SAP130: variants seen among roughly 807,000 people sequenced by gnomAD.
SAP130 encodes histone deacetylase complex subunit SAP130.
In SAP130, 16 loss-of-function variants were observed where a neutral mutation model predicts 103.2. That is an observed-to-expected ratio of 0.16 (90% confidence interval 0.10 to 0.24). SAP130 has a LOEUF of 0.24. SAP130 is among the 10% of genes least tolerant of loss of function. The pLI is 1.00. For missense variants in SAP130, 990 were observed against 1,359.7 expected (o/e 0.73, Z 4.28); for synonymous variants, 477 against 497.0 (o/e 0.96, Z 0.53).
At chr2:127,970,123 G>A (rs1033335203) in intron 15 of SAP130, among the ~76,000 whole-genome samples, 2 of 151,050 alleles carry the variant, frequency 1.3e-5, no homozygotes, top group Admixed American at 6.6e-5. Context: ...AGCTACTTGG[G>A]AGGCTGAGGC....
In SAP130 at chr2:127,941,232, TCTTTGAGTC is replaced by T. The variant is rs1207152740; in HGVS notation, c.*765_*773del. The T allele has an allele frequency of 6.6e-6, 1 of 152,128 alleles. No homozygotes were observed. The highest frequency in any genetic ancestry group is 1.5e-5 in the Non-Finnish European group (1 of 68,032). The allele number at this position is 152,128 out of a possible 1,614,324, so 9.4% of individuals were successfully genotyped here. On this transcript the variant is annotated 3_prime_UTR_variant, in exon 21 of 21. Transcript: ENST00000643581. ...TGCAAACTGCGCAAGTACAAAAACC[TCTTTGAGTC>T]CTTTATTAACGTCTGGAGATGTGTG...
chr2:128,022,615 C>T (rs753735176), intron 2 of SAP130, among the ~76,000 whole-genome samples: 1 of 152,180 alleles, frequency 6.6e-6, no homozygotes, highest in African/African-American at 2.4e-5. Flanking sequence ...ACCATTCCAA[C>T]ACTTGGTATT....
chr2:127,972,643 A>G (rs568959899), intron 15 of SAP130, among the ~76,000 whole-genome samples: 1 of 152,278 alleles, frequency 6.6e-6, no homozygotes, highest in East Asian at 1.9e-4. Flanking sequence ...CTTTAATCCC[A>G]GTTACTTGGG....
chr2:127,956,627 C>T (rs1403550861), intron 15 of SAP130, among the ~76,000 whole-genome samples: 4 of 147,406 alleles, frequency 2.7e-5, no homozygotes, highest in Admixed American at 6.9e-5. Flanking sequence ...GGGTGCAGCA[C>T]ACCGACATGG....
At chr2:128,021,851 A>G (rs978866800) in intron 2 of SAP130, among the ~76,000 whole-genome samples, 44 of 152,208 alleles carry the variant, frequency 2.9e-4, no homozygotes, top group African/African-American at 9.9e-4. Context: ...TAGCATTTCC[A>G]TGATGACTAG....
chr2:128,027,460 C>T (rs1312837964), intron 1 of SAP130: 2 of 1,085,564 alleles, frequency 1.8e-6, no homozygotes, highest in African/African-American at 1.7e-5. Flanking sequence ...GCAGCCCAAA[C>T]CCCTCGAGGC....
chr2:127,998,914 G>A (rs895417232), intron 10 of SAP130, among the ~76,000 whole-genome samples: 1 of 152,260 alleles, frequency 6.6e-6, no homozygotes, highest in Admixed American at 6.5e-5. Context: ...GAGAGCTGAT[G>A]ACGCAGGCAG....
chr2:127,990,682 G>A (rs11680182), intron 12 of SAP130, among the ~76,000 whole-genome samples: 1 of 151,954 alleles, frequency 6.6e-6, no homozygotes, highest in Non-Finnish European at 1.5e-5. Flanking sequence ...GATTTGTACC[G>A]ATGATCCCAA....
At position 127,986,774 on chromosome 2, in the gene SAP130, G is replaced by C. The variant is rs772996183; in HGVS notation, c.1958+11C>G. The C allele has an allele frequency of 6.2e-7, 1 of 1,612,332 alleles. No homozygotes were observed. Among genetic ancestry groups the C allele is most frequent in the Non-Finnish European group, 8.5e-7 (1 of 1,178,828 alleles). ...CCAGAGGTGTCATTCGGCACTACCA[G>C]GTCTACTCACCCATCTGTGGCAGGT... is the stretch of plus-strand genomic sequence containing the variant. On this transcript the variant is annotated intron_variant, in intron 14 of 20. Coordinates refer to ENST00000643581, the MANE Select transcript of SAP130 (RefSeq NM_001330301.2). The surrounding 1 kb of genome is among the most constrained non-coding windows in gnomAD (Gnocchi z 4.7).
chr2:128,014,962 C>T (rs747899992), intron 4 of SAP130, 48 bp from the exon 5 acceptor site: 1 of 1,518,928 alleles, frequency 6.6e-7, no homozygotes, highest in South Asian at 1.1e-5. Context: ...TGCTCTTAGC[C>T]ATTGCCTCTA....
intron 15 of SAP130, among the ~76,000 whole-genome samples, chr2:127,964,535 A>G (rs1009806010): frequency 6.6e-6 from 1 of 151,442 alleles, no homozygotes; most frequent in Non-Finnish European, 1.5e-5. Context: ...TAAAAAAGCC[A>G]CAATGAAAGC....
rs906028199 is a variant in SAP130, at chr2:127,996,170, A to T, written c.1355+180T>A. 2.0e-5 allele frequency among the ~76,000 whole-genome samples: 3 copies of T among 152,038 alleles called. No homozygotes were observed. The highest frequency in any genetic ancestry group is 2.0e-4 in the Admixed American group (3 of 15,252). ...CTAGGAAAACATCCATCAAAAGGAG[A>T]CTGGCTTGAAAAAAATCGCACATAA... On this transcript the variant is annotated intron_variant, in intron 11 of 20. Transcript: ENST00000643581. The surrounding 1 kb of genome is among the most constrained non-coding windows in gnomAD (Gnocchi z 4.3).
In SAP130 at chr2:128,000,064, G is replaced by A. The variant is rs757447875; in HGVS notation, c.1100C>T (p.Thr367Ile). 13 of 1,614,006 alleles carry A rather than the reference G, an allele frequency of 8.1e-6. No individual in the cohort carries two copies. Among genetic ancestry groups the A allele is most frequent in the Non-Finnish European group, 2.5e-6 (3 of 1,179,888 alleles). The change falls in exon 9 of 21, where the codon ACC (threonine) becomes ATC (isoleucine). Residue 367 changes from threonine to isoleucine, a missense_variant. Thr to Ile is a moderately conservative substitution (Grantham distance 89, BLOSUM62 -1). Coordinates refer to ENST00000643581, the MANE Select transcript of SAP130 (RefSeq NM_001330301.2). ...GAGGGTCGTGGACTTACCAGCTGTG[G>A]TCGCTGAAGGAATGGTGTTGGTTGC... ...ILATNTIPSA[T>I]TAGSVSHTQA...
intron 7 of SAP130, among the ~76,000 whole-genome samples, chr2:128,008,192 C>T (rs1390332742): frequency 1.3e-5 from 2 of 152,152 alleles, no homozygotes; most frequent in Non-Finnish European, 2.9e-5. Context: ...GCTCCCTTCC[C>T]TCAACATAAC....
Position 127,941,584 on chromosome 2 carries a change from G to C in SAP130, c.*422C>G, listed in dbSNP as rs1020073896. The C allele has an allele frequency of 1.9e-5, 3 of 161,662 alleles. No individual in the cohort carries two copies. The highest frequency in any genetic ancestry group is 7.2e-5 in the African/African-American group (3 of 41,586). 10.0% of individuals were successfully genotyped at this position (161,662 alleles called of 1,614,324 possible). A position where few individuals can be genotyped will look rare whatever the true frequency, so the allele number is the denominator to read the frequency against. The stretch of plus-strand genomic sequence containing the variant: ...AGAACCGAATGGGGTGGGTGGAAGA[G>C]GTTTTATTTTCAGTGTAGAGAGATA... On this transcript the variant is annotated 3_prime_UTR_variant, in exon 21 of 21. Transcript: ENST00000643581.
At chr2:128,009,829 G>T (rs532995074) in intron 7 of SAP130, among the ~76,000 whole-genome samples, 1 of 152,202 alleles carries the variant, frequency 6.6e-6, no homozygotes, top group South Asian at 2.1e-4. Flanking sequence ...GAGCCTTTGC[G>T]CTCACTGTTC....
chr2:128,019,108 G>GA (rs199638415), intron 2 of SAP130, among the ~76,000 whole-genome samples: 62 of 143,168 alleles, frequency 4.3e-4, no homozygotes, highest in African/African-American at 1.3e-3. Flanking sequence ...TCAAAAAAAA[G>GA]AAAAAAAAAA....
At chr2:128,021,112 A>T (rs1332737156) in intron 2 of SAP130, among the ~76,000 whole-genome samples, 1 of 152,094 alleles carries the variant, frequency 6.6e-6, no homozygotes, top group Admixed American at 6.6e-5. Context: ...TTGTCCAATG[A>T]TCTCTTCAGG....
At chr2:128,010,850 G>A (rs1684339380) in intron 6 of SAP130, among the ~76,000 whole-genome samples, 2 of 135,194 alleles carry the variant, frequency 1.5e-5, no homozygotes, top group Non-Finnish European at 3.1e-5. Flanking sequence ...AGCAACAAGA[G>A]AGAAACTGTC....
Sources: gnomAD v4.1 joint callset for allele counts (sites outside exome capture counted in the v4.1 genomes callset) on GRCh38, gnomAD v4.1.1 for gene constraint, Gnocchi (gnomAD v3.1) non-coding constraint, MANE v1.5 for transcripts, NCBI Gene and HGNC (gene_info 2026-07-23, HGNC 2026-07-21) for gene names.